BBS9: variants seen among roughly 807,000 people sequenced by gnomAD.
BBS9 encodes the protein protein PTHB1.
BBS9 carries 89 observed loss-of-function variants against 117.7 expected under a neutral mutation model. The observed-to-expected ratio is 0.76, with a 90% CI of 0.64 to 0.90. The LOEUF is 0.90. Among genes scored for constraint, BBS9 ranks in the 40% least tolerant of loss-of-function variants. The pLI is 0.00. For synonymous variants in BBS9, 379 were observed against 370.9 expected (o/e 1.02, Z -0.25); for missense variants, 982 against 1,042.2 (o/e 0.94, Z 0.80).
intron 5 of BBS9, among the ~76,000 whole-genome samples, chr7:33,252,096 C>T (rs1047511478): frequency 6.6e-6 from 1 of 152,070 alleles, no homozygotes; most frequent in Non-Finnish European, 1.5e-5. Context: ...GCACACATGT[C>T]ACATAGTGAG....
At chr7:33,498,012 C>G (rs1844959314) in intron 19 of BBS9, among the ~76,000 whole-genome samples, 1 of 152,058 alleles carries the variant, frequency 6.6e-6, no homozygotes, top group Admixed American at 6.5e-5. Context: ...GGAGCCCAAC[C>G]AATTAGAAAT....
At chr7:33,482,814 C>T (rs1165315109) in intron 19 of BBS9, among the ~76,000 whole-genome samples, 1 of 152,104 alleles carries the variant, frequency 6.6e-6, no homozygotes, top group African/African-American at 2.4e-5. Flanking sequence ...TCTGGCCATT[C>T]ATACCTTACT....
At chr7:33,383,110 G>C (rs889392141) in intron 17 of BBS9, among the ~76,000 whole-genome samples, 1 of 152,080 alleles carries the variant, frequency 6.6e-6, no homozygotes, top group Non-Finnish European at 1.5e-5. Flanking sequence ...GTGGAGCTGA[G>C]GTCTCAGGGA....
intron 21 of BBS9, among the ~76,000 whole-genome samples, chr7:33,603,840 T>G (rs892698683): frequency 6.6e-6 from 1 of 152,198 alleles, no homozygotes; most frequent in Admixed American, 6.5e-5. Flanking sequence ...CGATTTCTGT[T>G]TCAGAGTTGA....
intron 19 of BBS9, among the ~76,000 whole-genome samples, chr7:33,400,767 A>C (rs944300664): frequency 6.6e-6 from 1 of 152,222 alleles, no homozygotes; most frequent in Non-Finnish European, 1.5e-5. Flanking sequence ...GTGTTGCTTG[A>C]AAGTACCAAA....
chr7:33,463,251 AAC>A (rs1839731924), intron 19 of BBS9, among the ~76,000 whole-genome samples: 1 of 152,070 alleles, frequency 6.6e-6, no homozygotes, highest in East Asian at 1.9e-4. Flanking sequence ...CGTAGACCAA[AAC>A]ACAGACAGGC....
intron 9 of BBS9, among the ~76,000 whole-genome samples, chr7:33,304,942 C>T (rs1023773613): frequency 2.0e-5 from 3 of 151,942 alleles, no homozygotes; most frequent in Non-Finnish European, 2.9e-5. Context: ...GCAGCATGCT[C>T]GTTAAGAGTC....
chr7:33,568,417 C>T lies in BBS9; in HGVS notation c.2521+34241C>T, dbSNP rs1479548758. ...TTCTCCTAGGTAACCCTATCGCTTA[C>T]CCCTATCATGGATTTATCCTAATGT... On this transcript the variant is annotated intron_variant, in intron 21 of 22. Transcript: ENST00000242067. 2.0e-5 allele frequency among the ~76,000 whole-genome samples: 3 copies of T among 152,160 alleles called. No homozygotes were observed. The East Asian group carries it at 5.8e-4, about 29-fold the overall frequency.
At chr7:33,154,314 T>C (rs376864941) in intron 3 of BBS9, among the ~76,000 whole-genome samples, 6 of 152,244 alleles carry the variant, frequency 3.9e-5, no homozygotes, top group African/African-American at 4.8e-5. Flanking sequence ...ACTCTGAAAG[T>C]TTAAATGATC....
chr7:33,298,959 G>A (rs771701672), intron 9 of BBS9, among the ~76,000 whole-genome samples: 1 of 152,130 alleles, frequency 6.6e-6, no homozygotes, highest in African/African-American at 2.4e-5. Flanking sequence ...TTTAGTTCAT[G>A]GTTAAAACAG....
chr7:33,155,621 C>T lies in BBS9; in HGVS notation c.264-17C>T. The T allele has an allele frequency of 6.3e-7, 1 of 1,578,690 alleles. No homozygotes were observed. ...AGCTAATATTGGAAAACTTTAAAAA[C>T]TTTCTCTGTTTTTCAGAGGTACCGA... On this transcript the variant is annotated splice_polypyrimidine_tract_variant and intron_variant, in intron 3 of 22. Coordinates refer to ENST00000242067, the MANE Select transcript of BBS9 (RefSeq NM_198428.3).
In BBS9 at chr7:33,264,984, T is replaced by C. The variant is rs548950786; in HGVS notation, c.702+610T>C. On this transcript the variant is annotated intron_variant, in intron 7 of 22. Coordinates refer to ENST00000242067, the MANE Select transcript of BBS9 (RefSeq NM_198428.3). ...AATTAGCTCAAAGACAAAGGTGAAG[T>C]TTGATAATTTGAAAAGTAGTTTGAA... is the stretch of plus-strand genomic sequence containing the variant. Among the ~76,000 whole-genome samples, 8 of 152,196 alleles carry C rather than the reference T, an allele frequency of 5.3e-5. No homozygotes were observed. The South Asian group carries it at 8.3e-4, about 16-fold the overall frequency.
chr7:33,542,362 C>T (rs958256682), intron 21 of BBS9, among the ~76,000 whole-genome samples: 7 of 152,172 alleles, frequency 4.6e-5, no homozygotes, highest in Admixed American at 2.6e-4. Context: ...GGATTACAGG[C>T]GTGAGCCACC....
chr7:33,398,991 T>TA (rs1385755776), intron 19 of BBS9, among the ~76,000 whole-genome samples: 3 of 152,248 alleles, frequency 2.0e-5, no homozygotes, highest in African/African-American at 7.2e-5. Context: ...CAATGTGTTT[T>TA]ATTTAACTCT....
At chr7:33,633,962 C>T (rs1388794577) in intron 21 of BBS9, among the ~76,000 whole-genome samples, 1 of 152,156 alleles carries the variant, frequency 6.6e-6, no homozygotes, top group Non-Finnish European at 1.5e-5. Context: ...TGCCATGGCC[C>T]TTCTCTTCAC....
chr7:33,344,789 C>T (rs1406382088), intron 12 of BBS9, among the ~76,000 whole-genome samples, 155 bp downstream of exon 12: 4 of 152,096 alleles, frequency 2.6e-5, no homozygotes, highest in Non-Finnish European at 5.9e-5. Context: ...GAATAGAAAA[C>T]CTTTACTGTT....
intron 21 of BBS9, among the ~76,000 whole-genome samples, chr7:33,548,635 GACAA>G (rs1328059281): frequency 6.6e-6 from 1 of 151,736 alleles, no homozygotes; most frequent in East Asian, 1.9e-4. Flanking sequence ...ACCAACAACA[GACAA>G]ACAGAGAGCC....
intron 9 of BBS9, among the ~76,000 whole-genome samples, chr7:33,278,418 G>A (rs902861706): frequency 6.6e-6 from 1 of 152,142 alleles, no homozygotes; most frequent in Admixed American, 6.6e-5. Context: ...TAGCACTTAA[G>A]TGAACCACAG....
At chr7:33,172,611 G>A (rs902260486) in intron 4 of BBS9, among the ~76,000 whole-genome samples, 7 of 152,114 alleles carry the variant, frequency 4.6e-5, no homozygotes, top group South Asian at 2.1e-4. Context: ...AACACACATG[G>A]ACATGAAAGA....
Sources: gnomAD v4.1 joint callset for allele counts (sites outside exome capture counted in the v4.1 genomes callset) on GRCh38, gnomAD v4.1.1 for gene constraint, MANE v1.5 for transcripts, NCBI Gene and HGNC (gene_info 2026-07-23, HGNC 2026-07-21) for gene names.